WDTC1: variants seen among roughly 807,000 people sequenced by gnomAD.
WDTC1 encodes WD and tetratricopeptide repeats 1, also known as WD and tetratricopeptide repeats protein 1.
In WDTC1, 12 loss-of-function variants were observed where a neutral mutation model predicts 76.0. That is an observed-to-expected ratio of 0.16 (90% CI 0.10 to 0.26). The LOEUF is 0.26. Ranked by LOEUF, WDTC1 falls within the 10% of genes least tolerant of loss-of-function variation. WDTC1 has a pLI of 1.00. For synonymous variants in WDTC1, 326 were observed against 350.8 expected, an observed-to-expected ratio of 0.93 and a Z score of 0.79; for missense variants, 511 against 908.8, an observed-to-expected ratio of 0.56 and a Z score of 5.63.
chr1:27,292,732 T>TTTTA (rs1358951523), intron 7 of WDTC1, among the ~76,000 whole-genome samples: 1 of 151,376 alleles, frequency 6.6e-6, no homozygotes, highest in East Asian at 1.9e-4. Context: ...TGGCCCCTTC[T>TTTTA]TTTATTTATT....
chr1:27,258,732 T>G (rs942928911), intron 1 of WDTC1, among the ~76,000 whole-genome samples: 22 of 152,144 alleles, frequency 1.4e-4, no homozygotes, highest in African/African-American at 5.1e-4. Flanking sequence ...AATAACATAA[T>G]GTTTAGGTGT....
intron 1 of WDTC1, among the ~76,000 whole-genome samples, chr1:27,239,145 C>T (rs2147896502): frequency 6.8e-6 from 1 of 147,978 alleles, no homozygotes; most frequent in East Asian, 2.2e-4. Context: ...CTCAAGCAGT[C>T]TGCCTACCTC....
chr1:27,300,356 A>C (rs1343160887), intron 12 of WDTC1, among the ~76,000 whole-genome samples: 1 of 152,016 alleles, frequency 6.6e-6, no homozygotes, highest in Non-Finnish European at 1.5e-5. Context: ...CTTCTGAAGA[A>C]GCAGTTCCTG....
chr1:27,286,081 C>G (rs1031626479), intron 5 of WDTC1, among the ~76,000 whole-genome samples: 4 of 135,284 alleles, frequency 3.0e-5, no homozygotes, highest in Non-Finnish European at 6.1e-5. Context: ...TCTCAGCTCA[C>G]TGCAACCTCC....
At position 27,303,713 on chromosome 1, in the gene WDTC1, G is replaced by C; in HGVS notation, c.1561G>C (p.Glu521Gln). The C allele has an allele frequency of 1.2e-6, 2 of 1,614,086 alleles. No homozygotes were observed. Among genetic ancestry groups the C allele is most frequent in the Non-Finnish European group, 1.7e-6 (2 of 1,179,982 alleles). The change falls in exon 14 of 16, where the codon GAG (glutamate) becomes CAG (glutamine). Residue 521 changes from glutamate to glutamine, a missense_variant. Glu to Gln is a conservative substitution (Grantham distance 29). Transcript: ENST00000319394. This position sits in a 1 kb window ranked among gnomAD's most constrained non-coding sequence, Gnocchi z 4.8. ...CTCAGAGGATGAAATGGTGCTGCGG[G>C]AGCGAAGCTACGACTATCAGTTCCG... ...SISEDEMVLR[E>Q]RSYDYQFRYC...
At position 27,262,929 on chromosome 1, in the gene WDTC1, TA is replaced by T. The variant is rs539458083; in HGVS notation, c.49-212del. ...CTTTTTAAAAATTTTTTGCTTTCTT[TA>T]AAAAAAAAAATGAACGGCACAACTT... On this transcript the variant is annotated intron_variant, in intron 2 of 15. Coordinates refer to ENST00000319394, the MANE Select transcript of WDTC1 (RefSeq NM_001276252.2). 5.4e-4 allele frequency among the ~76,000 whole-genome samples: 80 copies of T among 147,610 alleles called. 1 individual carries two copies. Among genetic ancestry groups the T allele is most frequent in the Non-Finnish European group, 7.8e-4 (52 of 66,514 alleles).
Position 27,305,216 on chromosome 1 carries a change from A to G in WDTC1, c.1836+23A>G. 1.9e-6 allele frequency: 3 copies of G among 1,608,276 alleles called. No individual in the cohort carries two copies. The highest frequency in any genetic ancestry group is 1.7e-6 in the Non-Finnish European group (2 of 1,177,662). ...GAGGTGAGGGTGCAGAGCCAAGCAG[A>G]GAGGAGGGCAGGGACTCTGTGGAAG... On this transcript the variant is annotated intron_variant, in intron 15 of 15. Coordinates refer to ENST00000319394, the MANE Select transcript of WDTC1 (RefSeq NM_001276252.2). This position sits in a 1 kb window ranked among gnomAD's most constrained non-coding sequence, Gnocchi z 4.6.
intron 12 of WDTC1, among the ~76,000 whole-genome samples, chr1:27,298,661 G>T (rs898338871): frequency 1.3e-5 from 2 of 152,144 alleles, no homozygotes; most frequent in African/African-American, 4.8e-5. Context: ...TAAAGAAGTA[G>T]ACCATATCTG....
At chr1:27,265,264 T>G (rs955713171) in intron 3 of WDTC1, among the ~76,000 whole-genome samples, 13 of 152,318 alleles carry the variant, frequency 8.5e-5, no homozygotes, top group Admixed American at 8.5e-4. Context: ...AAAATGACAT[T>G]GCAATGGGCT....
At chr1:27,263,496 C>T (rs1054581370) in intron 3 of WDTC1, among the ~76,000 whole-genome samples, 5 of 152,146 alleles carry the variant, frequency 3.3e-5, no homozygotes, top group Non-Finnish European at 5.9e-5. Context: ...TGCGGTGGCA[C>T]GATCTCTGCT....
chr1:27,270,244 A>T (rs919456936), intron 3 of WDTC1, among the ~76,000 whole-genome samples: 3 of 152,194 alleles, frequency 2.0e-5, no homozygotes, highest in African/African-American at 7.2e-5. Context: ...TTTTTAAAAA[A>T]TTAATGTTGG....
chr1:27,262,852 G>C (rs779922924), intron 2 of WDTC1, among the ~76,000 whole-genome samples: 2 of 151,424 alleles, frequency 1.3e-5, no homozygotes, highest in Non-Finnish European at 2.9e-5. Context: ...TGCCCACCCT[G>C]TCCAACCTAA....
chr1:27,295,077 C>A (rs1428014083), intron 9 of WDTC1, among the ~76,000 whole-genome samples: 1 of 152,176 alleles, frequency 6.6e-6, no homozygotes, highest in African/African-American at 2.4e-5. Flanking sequence ...GGGAAGTGTT[C>A]TTTGATAATG....
intron 6 of WDTC1, among the ~76,000 whole-genome samples, chr1:27,289,590 A>G (rs1285869500): frequency 1.1e-4 from 16 of 151,962 alleles, no homozygotes; most frequent in South Asian, 2.1e-4. Context: ...GATGGCGGCC[A>G]GGCAGAGGCT....
chr1:27,263,302 T>C, intron 3 of WDTC1, 67 bp downstream of exon 3: 1 of 1,518,088 alleles, frequency 6.6e-7, no homozygotes, highest in Non-Finnish European at 9.0e-7. Context: ...GCAGAAATCC[T>C]CTTGGCCTTA....
In WDTC1 at chr1:27,260,962, A is replaced by T; in HGVS notation, c.-93A>T. The T allele has an allele frequency of 1.4e-6, 2 of 1,387,776 alleles. No individual in the cohort carries two copies. Among genetic ancestry groups the T allele is most frequent in the Non-Finnish European group, 2.0e-6 (2 of 991,090 alleles). 86.0% of individuals were successfully genotyped at this position (1,387,776 alleles called of 1,614,324 possible). A position where few individuals can be genotyped will look rare whatever the true frequency, so the allele number is the denominator to read the frequency against. ...GATGATTTTTTTCCCCCAGGTAATT[A>T]AATGTGTATTTTGTGGACCTGGGCT... On this transcript the variant is annotated 5_prime_UTR_variant, in exon 2 of 16. Transcript: ENST00000319394.
chr1:27,234,507 C>CG (rs1202098183), upstream of WDTC1: 11 of 347,398 alleles, frequency 3.2e-5, no homozygotes, highest in Admixed American at 4.8e-5. Context: ...TGACCGGGCG[C>CG]GGGGGGGTAA....
chr1:27,282,022 C>T (rs549584992), intron 3 of WDTC1, among the ~76,000 whole-genome samples: 1 of 152,268 alleles, frequency 6.6e-6, no homozygotes, highest in African/African-American at 2.4e-5. Flanking sequence ...CTTTATGGCT[C>T]AGAAGTGCCC....
intron 3 of WDTC1, among the ~76,000 whole-genome samples, chr1:27,271,375 T>C (rs2147946005): frequency 6.6e-6 from 1 of 151,892 alleles, no homozygotes; most frequent in Non-Finnish European, 1.5e-5. Context: ...CCACCATGCC[T>C]GGCTAATTTT....
Sources: gnomAD v4.1 joint callset for allele counts (sites outside exome capture counted in the v4.1 genomes callset) on GRCh38, gnomAD v4.1.1 for gene constraint, Gnocchi (gnomAD v3.1) non-coding constraint, MANE v1.5 for transcripts, NCBI Gene and HGNC (gene_info 2026-07-23, HGNC 2026-07-21) for gene names.